MIB1: variants seen among roughly 807,000 people sequenced by gnomAD.
The protein encoded by MIB1 is MIB E3 ubiquitin protein ligase 1.
A neutral mutation model predicts 124.5 loss-of-function variants in MIB1; 278 were observed. The ratio of observed to expected loss-of-function variants is 2.23; its 90% CI spans 2.02 to 2.47. MIB1 has a LOEUF of 2.47. Among genes scored for constraint, MIB1 ranks in the 30% most tolerant of loss-of-function variants. The probability of loss-of-function intolerance (pLI) is 0.00; values close to 1 mark genes in which losing one functional copy is unlikely to be tolerated. For synonymous variants in MIB1, 446 were observed against 429.4 expected (o/e 1.04, Z -0.48); for missense variants, 957 against 1,254.4 (o/e 0.76, Z 3.58).
In MIB1 at chr18:21,765,803, C is replaced by G; in HGVS notation, c.261C>G (p.Thr87=). 1 of 1,614,036 alleles carries G rather than the reference C, an allele frequency of 6.2e-7. No individual in the cohort carries two copies. Among genetic ancestry groups the G allele is most frequent in the Non-Finnish European group, 8.5e-7 (1 of 1,179,952 alleles). ...GIKHDGTMCD[T]CRQQPIIGIR... is the part of the protein sequence containing the mutation. The stretch of plus-strand genomic sequence containing the variant: ...AGCATGATGGAACCATGTGTGATAC[C>G]TGCCGCCAGCAACCAATCATTGGCA... Residue 87 remains threonine (T), a synonymous_variant, in exon 2 of 21, where the codon ACC becomes ACG. Transcript: ENST00000261537.
rs762339960 is a variant in MIB1, at chr18:21,844,093, T to G, written c.2051T>G (p.Leu684Arg). 4.5e-5 allele frequency: 72 copies of G among 1,613,456 alleles called. 1 individual carries two copies. The highest frequency in any genetic ancestry group is 5.8e-5 in the Non-Finnish European group (69 of 1,179,846). Residue 684 changes from leucine to arginine, a missense_variant and splice_region_variant, in exon 15 of 21, where the codon CTT becomes CGT. Coordinates refer to ENST00000261537, the MANE Select transcript of MIB1 (RefSeq NM_020774.4). ...VERQHTQIVR[L>R]LVRAGAKLDI... ...AAATGAGACATCTTTCTCTTTTAGC[T>G]TTTGGTCCGTGCAGGTGCCAAGCTT...
At chr18:21,769,324 T>G (rs1305164259) in intron 3 of MIB1, among the ~76,000 whole-genome samples, 1 of 152,170 alleles carries the variant, frequency 6.6e-6, no homozygotes, top group Non-Finnish European at 1.5e-5. Context: ...CATCATTACA[T>G]AGTCCAAATA....
In MIB1 at chr18:21,793,781, CAAAAAAAAAAAAAAA is replaced by C. The variant is rs67786932; in HGVS notation, c.1092+2241_1092+2255del. On this transcript the variant is annotated intron_variant, in intron 7 of 20. Transcript: ENST00000261537. ...TGGGCAACAGAGTGAGACCCTGTCTCAAAAAAAAAAAAAAAAAAAAAAAAAAAAAAAGGCATATCA... is the reference window on the plus strand; with the variant it reads ...TGGGCAACAGAGTGAGACCCTGTCTCAAAAAAAAAAAAAAAAGGCATATCA... 5.8e-4 allele frequency: 17 copies of C among 29,540 alleles called. 1 individual carries two copies. The highest frequency in any genetic ancestry group is 1.2e-3 in the East Asian group (1 of 828). 1.8% of individuals were successfully genotyped at this position (29,540 alleles called of 1,614,324 possible).
chr18:21,863,829 C>A (rs575834296), intron 20 of MIB1, among the ~76,000 whole-genome samples: 57 of 152,116 alleles, frequency 3.7e-4, no homozygotes, highest in Non-Finnish European at 7.4e-4. Context: ...CATGGTGAAA[C>A]CCCATCTCTA....
intron 1 of MIB1, among the ~76,000 whole-genome samples, chr18:21,734,529 T>TTCTC (rs2040787140): frequency 6.6e-6 from 1 of 150,884 alleles, no homozygotes; most frequent in Admixed American, 6.6e-5. Context: ...CTCTTTCTCT[T>TTCTC]TCTCTCTTTC....
intron 6 of MIB1, among the ~76,000 whole-genome samples, chr18:21,783,506 G>A (rs927617939): frequency 1.8e-4 from 27 of 152,010 alleles, no homozygotes; most frequent in Admixed American, 1.5e-3. Context: ...GCCTCCCAAA[G>A]TACTGGGATT....
chr18:21,807,189 G>T (rs550658857), intron 10 of MIB1, among the ~76,000 whole-genome samples: 4 of 152,304 alleles, frequency 2.6e-5, no homozygotes, highest in African/African-American at 9.6e-5. Context: ...CAAGCACTTT[G>T]GGAGGCTGAG....
chr18:21,861,380 T>C (rs1289583064), intron 20 of MIB1, among the ~76,000 whole-genome samples: 1 of 152,070 alleles, frequency 6.6e-6, no homozygotes, highest in African/African-American at 2.4e-5. Flanking sequence ...AGCTGAGTTT[T>C]GAACACATCT....
intron 8 of MIB1, among the ~76,000 whole-genome samples, chr18:21,798,855 C>G (rs1189307543): frequency 6.6e-6 from 1 of 151,996 alleles, no homozygotes; most frequent in Non-Finnish European, 1.5e-5. Context: ...ATGTTGTCAT[C>G]CAGAAAAGGA....
intron 19 of MIB1, 136 bp from the exon 20 acceptor site, chr18:21,858,410 G>C (rs757503021): frequency 1.1e-5 from 6 of 526,586 alleles, no homozygotes; most frequent in Non-Finnish European, 2.1e-5. Context: ...TGTTGTCCAA[G>C]TGTGAGAAAA....
chr18:21,778,000 T>C, intron 4 of MIB1, 103 bp from the exon 5 acceptor site: 1 of 781,358 alleles, frequency 1.3e-6, no homozygotes, highest in South Asian at 1.5e-5. Flanking sequence ...CTGTTCTTGA[T>C]TTCTGTTTTG....
At chr18:21,857,756 T>C (rs2042241691) in intron 19 of MIB1, among the ~76,000 whole-genome samples, 1 of 152,252 alleles carries the variant, frequency 6.6e-6, no homozygotes, top group Non-Finnish European at 1.5e-5. Context: ...ACCCTCAACA[T>C]TTTCAATAGT....
intron 10 of MIB1, among the ~76,000 whole-genome samples, chr18:21,806,781 A>G (rs541863506): frequency 6.7e-4 from 101 of 151,696 alleles, no homozygotes; most frequent in Middle Eastern, 3.4e-3. Flanking sequence ...ACGCCGCCAC[A>G]CCTGTCTAAT....
chr18:21,721,096 AT>A (rs2040712122), intron 1 of MIB1, among the ~76,000 whole-genome samples: 1 of 147,804 alleles, frequency 6.8e-6, no homozygotes, highest in South Asian at 2.2e-4. Context: ...TAGAAATTTC[AT>A]GTAATAAAAA....
intron 1 of MIB1, among the ~76,000 whole-genome samples, chr18:21,721,158 A>AGTTT (rs2040712767): frequency 2.5e-4 from 18 of 73,138 alleles, no homozygotes; most frequent in Admixed American, 6.8e-4. Context: ...ATTTTAAAGA[A>AGTTT]GTTTTTTTTT....
At chr18:21,713,350 G>A (rs2040673915) in intron 1 of MIB1, among the ~76,000 whole-genome samples, 2 of 144,902 alleles carry the variant, frequency 1.4e-5, no homozygotes, top group South Asian at 2.2e-4. Flanking sequence ...GGTGGCTCAC[G>A]CCTATAATCC....
At position 21,780,402 on chromosome 18, in the gene MIB1, C is replaced by T. The variant is rs535936877; in HGVS notation, c.908+717C>T. Among the ~76,000 whole-genome samples the T allele has an allele frequency of 6.6e-5, 10 of 152,268 alleles. No individual in the cohort carries two copies. In the East Asian group the frequency reaches 1.5e-3, roughly 23 times the overall value. On this transcript the variant is annotated intron_variant, in intron 6 of 20. Transcript: ENST00000261537. ...CATCCCCCCCTTTCTCCTACTGTTCCCAGCCTCTGGTAACCACCAATCAAC... is the reference window on the plus strand; with the variant it reads ...CATCCCCCCCTTTCTCCTACTGTTCTCAGCCTCTGGTAACCACCAATCAAC...
chr18:21,822,813 A>C (rs755144790), intron 12 of MIB1, among the ~76,000 whole-genome samples: 22 of 152,206 alleles, frequency 1.4e-4, no homozygotes, highest in Admixed American at 3.3e-4. Context: ...ATACTATAGA[A>C]AACCAGCAGG....
intron 15 of MIB1, 64 bp from the exon 16 acceptor site, chr18:21,846,880 T>C (rs1423183498): frequency 1.0e-5 from 15 of 1,471,110 alleles, no homozygotes; most frequent in South Asian, 7.2e-5. Flanking sequence ...CATACATATA[T>C]ATGATGACAA....
Sources: gnomAD v4.1 joint callset for allele counts (sites outside exome capture counted in the v4.1 genomes callset) on GRCh38, gnomAD v4.1.1 for gene constraint, MANE v1.5 for transcripts, NCBI Gene and HGNC (gene_info 2026-07-23, HGNC 2026-07-21) for gene names.